Variants in FAM135B observed in about 807,000 individuals in gnomAD.
FAM135B encodes the protein family with sequence similarity 135 member B.
In FAM135B, 43 loss-of-function variants were observed where a neutral mutation model predicts 127.7. The observed-to-expected ratio is 0.34, with a 90% CI of 0.26 to 0.43. The LOEUF is 0.43. Among genes scored for constraint, FAM135B ranks in the 20% least tolerant of loss-of-function variants. FAM135B has a pLI of 1.00. For missense variants in FAM135B, 1,558 were observed against 1,725.6 expected (o/e 0.90, Z 1.72); for synonymous variants, 670 against 665.1 (o/e 1.01, Z -0.11).
chr8:138,339,833 C>T (rs1432781602), intron 2 of FAM135B, among the ~76,000 whole-genome samples: 1 of 152,176 alleles, frequency 6.6e-6, no homozygotes, highest in East Asian at 1.9e-4. Context: ...GGCTGGACTC[C>T]AAAGAGAGGG....
chr8:138,432,700 C>T (rs1356179001), intron 1 of FAM135B, among the ~76,000 whole-genome samples: 2 of 152,070 alleles, frequency 1.3e-5, no homozygotes, highest in African/African-American at 2.4e-5. Context: ...GCTCTTTCAT[C>T]TTCTATTAGC....
At chr8:138,172,454 G>A (rs1820549041) in intron 11 of FAM135B, among the ~76,000 whole-genome samples, 1 of 152,202 alleles carries the variant, frequency 6.6e-6, no homozygotes, top group African/African-American at 2.4e-5. Context: ...GAGTATAAAT[G>A]TCACCTTCTC....
chr8:138,163,881 A>T (rs1819648525), intron 12 of FAM135B, among the ~76,000 whole-genome samples: 1 of 152,090 alleles, frequency 6.6e-6, no homozygotes, highest in South Asian at 2.1e-4. Context: ...GAGTTCAGTG[A>T]CAGGAGGCAC....
chr8:138,152,164 C>T lies in FAM135B; in HGVS notation c.2311G>A (p.Val771Ile), dbSNP rs774975105. 6.2e-7 allele frequency: 1 copy of T among 1,614,026 alleles called. No homozygotes were observed. Residue 771 changes from valine to isoleucine, a missense_variant, in exon 13 of 20, where the codon GTA (valine) becomes ATA (isoleucine). Physicochemically the swap from Val to Ile is conservative, Grantham distance 29 (BLOSUM62 3). Coordinates refer to ENST00000395297, the MANE Select transcript of FAM135B (RefSeq NM_015912.4). ...EVALTKLTKS[V>I]SAPHISSPEE... ...GGGCTACTGATGTGGGGAGCAGATA[C>T]AGACTTGGTTAACTTAGTGAGTGCC...
At chr8:138,276,576 G>A (rs1421332164) in intron 3 of FAM135B, among the ~76,000 whole-genome samples, 1 of 152,062 alleles carries the variant, frequency 6.6e-6, no homozygotes, top group Non-Finnish European at 1.5e-5. Context: ...AGCCAGTCCA[G>A]AAACAGATCA....
intron 1 of FAM135B, among the ~76,000 whole-genome samples, chr8:138,431,265 G>A (rs1239163662): frequency 6.6e-6 from 1 of 152,290 alleles, no homozygotes; most frequent in South Asian, 2.1e-4. Context: ...ACATGCCCCT[G>A]CCATCTTGGG....
intron 2 of FAM135B, among the ~76,000 whole-genome samples, chr8:138,330,763 G>A (rs752602131): frequency 1.3e-4 from 20 of 151,968 alleles, no homozygotes; most frequent in Non-Finnish European, 2.4e-4. Context: ...TTTCTGAGCA[G>A]GACTATATTT....
chr8:138,289,116 T>C (rs1824911301), intron 3 of FAM135B, among the ~76,000 whole-genome samples: 1 of 152,214 alleles, frequency 6.6e-6, no homozygotes. Flanking sequence ...TATCTTCATT[T>C]CCTTGGCCAC....
At chr8:138,255,233 C>T (rs1020266230) in intron 5 of FAM135B, among the ~76,000 whole-genome samples, 1 of 152,048 alleles carries the variant, frequency 6.6e-6, no homozygotes, top group African/African-American at 2.4e-5. Flanking sequence ...ACAGTTCTGC[C>T]AGCATTGGCT....
At chr8:138,488,822 A>G (rs1041064172) in intron 1 of FAM135B, among the ~76,000 whole-genome samples, 2 of 152,074 alleles carry the variant, frequency 1.3e-5, no homozygotes, top group African/African-American at 4.8e-5. Flanking sequence ...ACGCACCACC[A>G]CACCCAGCTA....
At chr8:138,379,265 C>T (rs939441553) in intron 1 of FAM135B, among the ~76,000 whole-genome samples, 13 of 152,144 alleles carry the variant, frequency 8.5e-5, no homozygotes, top group East Asian at 1.9e-4. Context: ...GACCATTTTA[C>T]GGGTTACCCT....
At chr8:138,315,075 T>C (rs1563889205) in intron 2 of FAM135B, among the ~76,000 whole-genome samples, 1 of 152,024 alleles carries the variant, frequency 6.6e-6, no homozygotes, top group Non-Finnish European at 1.5e-5. Context: ...TGATAAGGGA[T>C]TAGTATTCAA....
At chr8:138,343,291 A>G (rs1717022657) in intron 2 of FAM135B, among the ~76,000 whole-genome samples, 1 of 152,244 alleles carries the variant, frequency 6.6e-6, no homozygotes, top group Admixed American at 6.5e-5. Context: ...AGAGACGTGC[A>G]GGCAGGAAGA....
In FAM135B at chr8:138,243,687, T is replaced by C. The variant is rs1586868130; in HGVS notation, c.543-619A>G. Reference sequence around the variant, plus strand: ...AATGGACATATTGTGATGGCAATGATCAATTTCAGGATCAAAGGAGATTAG... The same window carrying C: ...AATGGACATATTGTGATGGCAATGACCAATTTCAGGATCAAAGGAGATTAG... On this transcript the variant is annotated intron_variant, in intron 6 of 19. Coordinates refer to ENST00000395297, the MANE Select transcript of FAM135B (RefSeq NM_015912.4). The surrounding 1 kb of genome is among the most constrained non-coding windows in gnomAD (Gnocchi z 7.5). Among the ~76,000 whole-genome samples, 1 of 152,224 alleles carries C rather than the reference T, an allele frequency of 6.6e-6. No homozygotes were observed. The highest frequency in any genetic ancestry group is 1.5e-5 in the Non-Finnish European group (1 of 68,028).
chr8:138,373,575 A>G (rs1831278083), intron 1 of FAM135B, among the ~76,000 whole-genome samples: 1 of 152,052 alleles, frequency 6.6e-6, no homozygotes. Context: ...TTCAGGGAAT[A>G]AGAGAGATAA....
chr8:138,187,292 C>T (rs573530107), intron 9 of FAM135B, among the ~76,000 whole-genome samples: 78 of 152,316 alleles, frequency 5.1e-4, no homozygotes, highest in Middle Eastern at 3.4e-3. Context: ...GGGAAAAATT[C>T]GTATCTGCAG....
rs1391067924 is a variant in FAM135B at position 138,426,058 on chromosome 8, T to TACAC, written c.-19-58057_-19-58056insGTGT. ...ACACACACACACACACACATATATA[T>TACAC]ATACACACACACACATATATAAAAT... On this transcript the variant is annotated intron_variant, in intron 1 of 19. Coordinates refer to ENST00000395297, the MANE Select transcript of FAM135B (RefSeq NM_015912.4). 1.9e-4 allele frequency among the ~76,000 whole-genome samples: 14 copies of TACAC among 75,336 alleles called. 1 individual carries two copies. The highest frequency in any genetic ancestry group is 7.6e-4 in the African/African-American group (9 of 11,814). 49.4% of individuals were successfully genotyped at this position (75,336 alleles called of 152,430 possible). A position where few individuals can be genotyped will look rare whatever the true frequency, so the allele number is the denominator to read the frequency against.
chr8:138,151,135 AAT>A (rs1161246206), intron 13 of FAM135B, 57 bp downstream of exon 13: 20 of 1,338,196 alleles, frequency 1.5e-5, no homozygotes, highest in Non-Finnish European at 2.0e-5. Flanking sequence ...GAAATGGAGA[AAT>A]ATGTGGAAAA....
chr8:138,310,670 A>G (rs1175444596), intron 3 of FAM135B, among the ~76,000 whole-genome samples, 171 bp downstream of exon 3: 2 of 152,218 alleles, frequency 1.3e-5, no homozygotes, highest in African/African-American at 4.8e-5. Context: ...CAATGTACAC[A>G]TATGGCCACC....
Sources: allele counts gnomAD v4.1 joint callset (sites outside exome capture counted in the v4.1 genomes callset), GRCh38; gene constraint gnomAD v4.1.1; non-coding constraint Gnocchi (gnomAD v3.1); transcripts MANE v1.5; gene names NCBI Gene and HGNC (gene_info 2026-07-23, HGNC 2026-07-21).